The following GAB1 variants were observed in gnomAD, a reference collection of about 807,000 sequenced individuals.
GAB1 encodes GRB2 associated binding protein 1.
In GAB1, 19 loss-of-function variants were observed where a neutral mutation model predicts 66.5. The ratio of observed to expected loss-of-function variants is 0.29; its 90% CI spans 0.20 to 0.42. The LOEUF (loss-of-function observed/expected upper bound fraction) is 0.42. GAB1 is among the 10% of genes least tolerant of loss of function. GAB1 has a pLI of 1.00. For synonymous variants in GAB1, 294 were observed against 301.4 expected (o/e 0.98, Z 0.25); for missense variants, 732 against 858.5 (o/e 0.85, Z 1.84).
intron 4 of GAB1, among the ~76,000 whole-genome samples, chr4:143,439,020 A>G (rs1349342387): frequency 6.6e-6 from 1 of 152,158 alleles, no homozygotes; most frequent in Non-Finnish European, 1.5e-5. Context: ...TCCTTCCTAT[A>G]TAAGCAGTTT....
chr4:143,400,196 G>A (rs1032534777), intron 1 of GAB1, among the ~76,000 whole-genome samples: 3 of 152,110 alleles, frequency 2.0e-5, no homozygotes, highest in African/African-American at 7.2e-5. Context: ...ATCCTTCATG[G>A]CCTCCCAAAG....
intron 1 of GAB1, among the ~76,000 whole-genome samples, chr4:143,350,506 C>T (rs1051307072): frequency 2.0e-5 from 3 of 151,844 alleles, no homozygotes; most frequent in Non-Finnish European, 2.9e-5. Context: ...GGTAAAACCC[C>T]GTCTATACTA....
intron 6 of GAB1, among the ~76,000 whole-genome samples, chr4:143,448,422 GGACTCTTTT>G (rs1734693566): frequency 6.6e-6 from 1 of 151,648 alleles, no homozygotes; most frequent in Non-Finnish European, 1.5e-5. Flanking sequence ...ATCTGGTCCT[GGACTCTTTT>G]TGGTTGGTAA....
At position 143,415,968 on chromosome 4, in the gene GAB1, T is replaced by C. The variant is rs190249070; in HGVS notation, c.367+197T>C. On this transcript the variant is annotated intron_variant, in intron 2 of 9. Coordinates refer to ENST00000262994, the MANE Select transcript of GAB1 (RefSeq NM_002039.4). ...GTTTACCAGTTTTAGAGCGACAGAC[T>C]TAGACATATTGGGGCAGTTTTTAAA... Among the ~76,000 whole-genome samples the C allele has an allele frequency of 5.9e-5, 9 of 152,330 alleles. No homozygotes were observed. The East Asian group carries it at 7.7e-4, about 13-fold the overall frequency.
In GAB1 at chr4:143,368,426, A is replaced by G. The variant is rs541821145; in HGVS notation, c.72+31166A>G. ...GATTGTCTAAAACTTAGATATTTAA[A>G]CAGTTTGAAAACTTGTTGGAGTAGG... is the stretch of plus-strand genomic sequence containing the variant. On this transcript the variant is annotated intron_variant, in intron 1 of 9. Transcript: ENST00000262994. Among the ~76,000 whole-genome samples the G allele has an allele frequency of 4.6e-5, 7 of 152,312 alleles. No homozygotes were observed. The South Asian group carries it at 1.5e-3, about 32-fold the overall frequency.
chr4:143,353,178 G>A (rs1729300473), intron 1 of GAB1, among the ~76,000 whole-genome samples: 1 of 152,120 alleles, frequency 6.6e-6, no homozygotes, highest in Non-Finnish European at 1.5e-5. Context: ...GGATCTGAAA[G>A]CATATTATTA....
chr4:143,406,586 T>C (rs142552695), intron 1 of GAB1, among the ~76,000 whole-genome samples: 1 of 152,354 alleles, frequency 6.6e-6, no homozygotes, highest in Admixed American at 6.5e-5. Flanking sequence ...GTGAACTCTG[T>C]GTCCCGATTT....
At chr4:143,462,302 A>G (rs921438369) in intron 8 of GAB1, among the ~76,000 whole-genome samples, 3 of 152,092 alleles carry the variant, frequency 2.0e-5, no homozygotes, top group Non-Finnish European at 4.4e-5. Flanking sequence ...TCTAAATCCT[A>G]AATTCTCGGT....
At chr4:143,394,377 C>G (rs983541246) in intron 1 of GAB1, among the ~76,000 whole-genome samples, 1 of 152,202 alleles carries the variant, frequency 6.6e-6, no homozygotes, top group African/African-American at 2.4e-5. Context: ...TGACATCCCT[C>G]CTTCCCTTGG....
At chr4:143,453,222 C>T (rs1413863997) in intron 6 of GAB1, among the ~76,000 whole-genome samples, 1 of 151,906 alleles carries the variant, frequency 6.6e-6, no homozygotes, top group Non-Finnish European at 1.5e-5. Flanking sequence ...TAGCTTCTGC[C>T]CTAAAATTAA....
intron 6 of GAB1, among the ~76,000 whole-genome samples, chr4:143,449,184 T>C: frequency 6.7e-6 from 1 of 149,408 alleles, no homozygotes; most frequent in Non-Finnish European, 1.5e-5. Context: ...TTCTTTTACA[T>C]TTGCTGAGGA....
intron 2 of GAB1, among the ~76,000 whole-genome samples, chr4:143,432,056 G>A (rs1424091117): frequency 1.3e-5 from 2 of 152,216 alleles, no homozygotes; most frequent in Admixed American, 6.5e-5. Context: ...AGAAAAAGAT[G>A]CCTGGGGAAG....
At chr4:143,358,181 G>A (rs1298578851) in intron 1 of GAB1, among the ~76,000 whole-genome samples, 1 of 152,062 alleles carries the variant, frequency 6.6e-6, no homozygotes, top group Non-Finnish European at 1.5e-5. Flanking sequence ...AATTTCACCT[G>A]TCTTTTGTTG....
Position 143,438,140 on chromosome 4 carries a change from A to G in GAB1, c.735A>G (p.Pro245=), listed in dbSNP as rs777554501. 2 of 1,613,832 alleles carry G rather than the reference A, an allele frequency of 1.2e-6. No individual in the cohort carries two copies. Among genetic ancestry groups the G allele is most frequent in the African/African-American group, 1.3e-5 (1 of 74,860 alleles). ...FFQQQMIYDS[P]PSRAPSASVD... ...AGCAGCAAATGATATACGACTCTCCACCTTCACGTGCCCCATCTGCTTCAG... is the reference window on the plus strand; with the variant it reads ...AGCAGCAAATGATATACGACTCTCCGCCTTCACGTGCCCCATCTGCTTCAG... Residue 245 remains proline, a synonymous_variant, in exon 4 of 10, where the codon CCA becomes CCG. Transcript: ENST00000262994.
rs1175731793 is a variant in GAB1, at chr4:143,471,518, TATGCTTATTC to T, written c.*2332_*2341del. ...TATAAATGTATTTTGGGTTCACATTTATGCTTATTCATTTTGGCTCATTACTAAGCATAAT... is the reference window on the plus strand; with the variant it reads ...TATAAATGTATTTTGGGTTCACATTTATTTTGGCTCATTACTAAGCATAAT... On this transcript the variant is annotated 3_prime_UTR_variant, in exon 10 of 10. Transcript: ENST00000262994. The T allele has an allele frequency of 2.0e-5, 3 of 152,208 alleles. No homozygotes were observed. Among genetic ancestry groups the T allele is most frequent in the African/African-American group, 7.2e-5 (3 of 41,472 alleles). 9.4% of individuals were successfully genotyped at this position (152,208 alleles called of 1,614,324 possible). A position where few individuals can be genotyped will look rare whatever the true frequency, so the allele number is the denominator to read the frequency against.
chr4:143,350,367 A>G (rs1057025772), intron 1 of GAB1, among the ~76,000 whole-genome samples: 1 of 152,096 alleles, frequency 6.6e-6, no homozygotes, highest in East Asian at 1.9e-4. Context: ...GGCTTAGCTC[A>G]CTAAAACACT....
At chr4:143,398,540 A>G (rs941504349) in intron 1 of GAB1, among the ~76,000 whole-genome samples, 9 of 152,158 alleles carry the variant, frequency 5.9e-5, no homozygotes, top group Admixed American at 5.9e-4. Context: ...GCCAGAAACT[A>G]TATCCACTAC....
intron 1 of GAB1, among the ~76,000 whole-genome samples, chr4:143,388,651 G>A (rs1397269652): frequency 6.6e-6 from 1 of 152,122 alleles, no homozygotes; most frequent in Non-Finnish European, 1.5e-5. Flanking sequence ...CCGACCTCAG[G>A]TGATCCGCCC....
rs1450087017 is a variant in GAB1 at position 143,470,869 on chromosome 4, T to A, written c.*1680T>A. 1 of 152,246 alleles carries A rather than the reference T, an allele frequency of 6.6e-6. No individual in the cohort carries two copies. Among genetic ancestry groups the A allele is most frequent in the Admixed American group, 6.5e-5 (1 of 15,282 alleles). 9.4% of individuals were successfully genotyped at this position (152,246 alleles called of 1,614,324 possible). On this transcript the variant is annotated 3_prime_UTR_variant, in exon 10 of 10. Transcript: ENST00000262994. ...TAAAAATGTTCATAACAAGATGAAT[T>A]GTAGACTAGTAACATTTGATGCTTT...
Sources: allele counts gnomAD v4.1 joint callset (sites outside exome capture counted in the v4.1 genomes callset), GRCh38; gene constraint gnomAD v4.1.1; transcripts MANE v1.5; gene names NCBI Gene and HGNC (gene_info 2026-07-23, HGNC 2026-07-21).